Variants in PRKCE observed in about 807,000 individuals in gnomAD.
The protein encoded by PRKCE is protein kinase C epsilon.
Under a neutral mutation model 85.4 loss-of-function variants are expected in PRKCE, and 16 were observed. That is an observed-to-expected ratio of 0.19 (90% CI 0.13 to 0.28). The LOEUF is 0.28. Among genes scored for constraint, PRKCE ranks in the 10% least tolerant of loss-of-function variants. The pLI is 1.00. For missense variants in PRKCE, 573 were observed against 975.2 expected, an observed-to-expected ratio of 0.59 and a Z score of 5.49; for synonymous variants, 388 against 371.5, an observed-to-expected ratio of 1.04 and a Z score of -0.51.
intron 1 of PRKCE, among the ~76,000 whole-genome samples, chr2:45,721,310 A>C (rs1275071044): frequency 6.6e-6 from 1 of 152,188 alleles, no homozygotes; most frequent in African/African-American, 2.4e-5. Flanking sequence ...GCCTTGGGGA[A>C]GCAAGACACA....
At chr2:45,913,834 A>G (rs1381596893) in intron 2 of PRKCE, among the ~76,000 whole-genome samples, 1 of 152,216 alleles carries the variant, frequency 6.6e-6, no homozygotes, top group Non-Finnish European at 1.5e-5. Flanking sequence ...ATTACAGCCC[A>G]ACACAATGTG....
chr2:45,892,353 A>G (rs1021916997), intron 2 of PRKCE, among the ~76,000 whole-genome samples: 1 of 105,756 alleles, frequency 9.5e-6, no homozygotes, highest in Non-Finnish European at 1.9e-5. Context: ...CTTATTGCTT[A>G]ACACAGTGCT....
At chr2:46,110,923 T>C (rs1002352463) in intron 11 of PRKCE, among the ~76,000 whole-genome samples, 21 of 152,340 alleles carry the variant, frequency 1.4e-4, no homozygotes, top group African/African-American at 5.0e-4. Flanking sequence ...TATTTTTAAA[T>C]ATTTCTTGAG....
At chr2:45,894,796 C>G in intron 2 of PRKCE, among the ~76,000 whole-genome samples, 1 of 152,212 alleles carries the variant, frequency 6.6e-6, no homozygotes, top group East Asian at 1.9e-4. Context: ...GATCTTGGCT[C>G]ACTGCAACCT....
At chr2:45,991,095 C>T (rs1441597478) in intron 6 of PRKCE, among the ~76,000 whole-genome samples, 2 of 152,052 alleles carry the variant, frequency 1.3e-5, no homozygotes, top group African/African-American at 4.8e-5. Context: ...CAACCTCTGC[C>T]TCCTGGGTTC....
chr2:45,918,413 G>T (rs1355795931), intron 2 of PRKCE, among the ~76,000 whole-genome samples: 1 of 152,138 alleles, frequency 6.6e-6, no homozygotes, highest in Non-Finnish European at 1.5e-5. Flanking sequence ...GTTAAACTCT[G>T]GTCATTGTAC....
intron 2 of PRKCE, among the ~76,000 whole-genome samples, chr2:45,924,330 A>G (rs1371733816): frequency 6.6e-6 from 1 of 152,200 alleles, no homozygotes; most frequent in Non-Finnish European, 1.5e-5. Flanking sequence ...TCCTTGCGCC[A>G]ATTTTGAGGC....
At chr2:46,057,515 A>C (rs563509003) in intron 10 of PRKCE, among the ~76,000 whole-genome samples, 1 of 151,428 alleles carries the variant, frequency 6.6e-6, no homozygotes, top group Non-Finnish European at 1.5e-5. Flanking sequence ...GTTCACTGCA[A>C]CCTCCACCTC....
chr2:45,959,416 C>A (rs556454121), intron 2 of PRKCE, among the ~76,000 whole-genome samples: 7 of 152,298 alleles, frequency 4.6e-5, no homozygotes, highest in African/African-American at 1.4e-4. Context: ...AGAGTTGAAC[C>A]TTTTACTTCA....
intron 2 of PRKCE, among the ~76,000 whole-genome samples, chr2:45,869,535 T>C (rs960822896): frequency 3.3e-5 from 5 of 152,132 alleles, no homozygotes; most frequent in Non-Finnish European, 7.4e-5. Context: ...TTTCCCCTCA[T>C]AGCAACCCTA....
chr2:45,926,804 A>G (rs1254522012), intron 2 of PRKCE, among the ~76,000 whole-genome samples: 2 of 152,250 alleles, frequency 1.3e-5, no homozygotes, highest in Non-Finnish European at 2.9e-5. Flanking sequence ...TTTGGGCTGA[A>G]AAGTAGGACA....
chr2:46,154,132 A>G (rs1020691941), intron 13 of PRKCE, among the ~76,000 whole-genome samples: 1 of 151,928 alleles, frequency 6.6e-6, no homozygotes, highest in Non-Finnish European at 1.5e-5. Flanking sequence ...TTCGATTCCC[A>G]GTGCAGGGCT....
chr2:45,693,360 T>C (rs1184232839), intron 1 of PRKCE, among the ~76,000 whole-genome samples: 1 of 152,184 alleles, frequency 6.6e-6, no homozygotes, highest in Non-Finnish European at 1.5e-5. Context: ...GAGATTAGCA[T>C]TCTGGAAGAG....
intron 10 of PRKCE, among the ~76,000 whole-genome samples, chr2:46,064,197 G>C (rs192538964): frequency 7.3e-5 from 11 of 149,832 alleles, no homozygotes; most frequent in African/African-American, 2.2e-4. Flanking sequence ...CAGGAGAATC[G>C]CTTGAACCTG....
intron 1 of PRKCE, among the ~76,000 whole-genome samples, chr2:45,807,266 G>A (rs75155178): frequency 0.013 from 1,962 of 152,316 alleles, 43 homozygotes; most frequent in African/African-American, 0.044. Flanking sequence ...AGCACATGGC[G>A]GATGCTCACA....
chr2:45,850,801 G>A (rs532175811), intron 2 of PRKCE, among the ~76,000 whole-genome samples: 2 of 152,272 alleles, frequency 1.3e-5, no homozygotes, highest in East Asian at 3.9e-4. Context: ...AGTGCACACA[G>A]GTGAGAATGA....
intron 5 of PRKCE, among the ~76,000 whole-genome samples, chr2:45,982,989 G>A (rs2711286): frequency 0.81 from 123,264 of 152,166 alleles, 50,368 homozygotes; most frequent in East Asian, 0.99. Flanking sequence ...CAGTGATCTC[G>A]TACTTCCTTA....
intron 6 of PRKCE, among the ~76,000 whole-genome samples, chr2:46,000,439 T>C (rs928859880): frequency 1.5e-5 from 2 of 134,042 alleles, no homozygotes; most frequent in African/African-American, 5.9e-5. Flanking sequence ...CGGGGTCTGA[T>C]AAAACCTCAA....
chr2:46,170,567 A>G (rs939639281), intron 14 of PRKCE, among the ~76,000 whole-genome samples: 3 of 152,240 alleles, frequency 2.0e-5, no homozygotes, highest in Admixed American at 6.5e-5. Flanking sequence ...TATTCAATCT[A>G]TATTTGTGGA....
Sources: gnomAD v4.1 joint callset for allele counts (sites outside exome capture counted in the v4.1 genomes callset) on GRCh38, gnomAD v4.1.1 for gene constraint, MANE v1.5 for transcripts, NCBI Gene and HGNC (gene_info 2026-07-23, HGNC 2026-07-21) for gene names.